The following KLHL29 variants were observed in gnomAD, a reference collection of about 807,000 sequenced individuals.
KLHL29 encodes the protein kelch-like protein 29.
A neutral mutation model predicts 80.4 loss-of-function variants in KLHL29; 21 were observed. The observed-to-expected ratio is 0.26, with a 90% CI of 0.19 to 0.38. The LOEUF (loss-of-function observed/expected upper bound fraction) is 0.38. KLHL29 is among the 10% of genes least tolerant of loss of function. The probability of loss-of-function intolerance (pLI) is 1.00; values close to 1 mark genes in which losing one functional copy is unlikely to be tolerated. For synonymous variants in KLHL29, 511 were observed against 526.8 expected (o/e 0.97, Z 0.41); for missense variants, 867 against 1,223.9 (o/e 0.71, Z 4.35).
At chr2:23,479,109 G>A (rs992464497) in intron 2 of KLHL29, among the ~76,000 whole-genome samples, 3 of 151,534 alleles carry the variant, frequency 2.0e-5, no homozygotes, top group South Asian at 2.1e-4. Context: ...TGCTCCGGCC[G>A]ACACAGACAC....
chr2:23,678,893 G>T (rs561164135), intron 5 of KLHL29, among the ~76,000 whole-genome samples: 4 of 152,164 alleles, frequency 2.6e-5, no homozygotes, highest in Non-Finnish European at 4.4e-5. Flanking sequence ...AATGGTGGTT[G>T]CCGGGGATGA....
chr2:23,671,509 T>C (rs1392113261), intron 5 of KLHL29, among the ~76,000 whole-genome samples: 2 of 152,212 alleles, frequency 1.3e-5, no homozygotes, highest in African/African-American at 2.4e-5. Flanking sequence ...TCTGTGGCTG[T>C]TGGGCTCCTC....
intron 1 of KLHL29, among the ~76,000 whole-genome samples, chr2:23,396,903 A>G (rs1381694150): frequency 6.6e-6 from 1 of 152,142 alleles, no homozygotes; most frequent in Non-Finnish European, 1.5e-5. Context: ...CCCCAAGAGG[A>G]GAAAAATGAT....
intron 5 of KLHL29, among the ~76,000 whole-genome samples, chr2:23,656,518 C>T (rs947342472): frequency 2.6e-5 from 4 of 152,242 alleles, no homozygotes; most frequent in Admixed American, 2.0e-4. Flanking sequence ...CACCCGACTT[C>T]TGGGGCCATT....
At chr2:23,532,649 C>T (rs1666531204) in intron 2 of KLHL29, 1 of 456,570 alleles carries the variant, frequency 2.2e-6, no homozygotes, top group African/African-American at 2.0e-5. Context: ...GGGACTGAGG[C>T]CTGGGCGGTG....
chr2:23,539,465 A>G (rs576427661), intron 2 of KLHL29, among the ~76,000 whole-genome samples: 50 of 101,126 alleles, frequency 4.9e-4, no homozygotes, highest in Non-Finnish European at 8.2e-4. Context: ...TTTTGGAGAC[A>G]GGGTCTCACT....
At chr2:23,633,839 G>T (rs1224592904) in intron 3 of KLHL29, among the ~76,000 whole-genome samples, 1 of 151,808 alleles carries the variant, frequency 6.6e-6, no homozygotes, top group Non-Finnish European at 1.5e-5. Flanking sequence ...AGGCTCAACT[G>T]TGGCAGTTCC....
At chr2:23,526,552 G>A (rs1666325838) in intron 2 of KLHL29, among the ~76,000 whole-genome samples, 1 of 152,208 alleles carries the variant, frequency 6.6e-6, no homozygotes, top group Non-Finnish European at 1.5e-5. Context: ...AAGGTTGGAG[G>A]GGAGAGAGAG....
intron 3 of KLHL29, among the ~76,000 whole-genome samples, chr2:23,626,865 C>T (rs1362844980): frequency 6.6e-6 from 1 of 152,162 alleles, no homozygotes; most frequent in Admixed American, 6.5e-5. Context: ...AGTCTGGGTT[C>T]CTGCTGAGGA....
chr2:23,604,217 T>C (rs1401296900), intron 3 of KLHL29, among the ~76,000 whole-genome samples: 1 of 152,168 alleles, frequency 6.6e-6, no homozygotes, highest in African/African-American at 2.4e-5. Flanking sequence ...AGTGGTACAA[T>C]CTGGGCCTCC....
intron 1 of KLHL29, among the ~76,000 whole-genome samples, chr2:23,446,059 T>G (rs990911848): frequency 6.6e-5 from 10 of 152,188 alleles, no homozygotes; most frequent in African/African-American, 2.4e-4. Flanking sequence ...ATGCATTTAT[T>G]TTATTTTTAT....
intron 2 of KLHL29, among the ~76,000 whole-genome samples, chr2:23,532,408 C>T (rs1031808225): frequency 4.6e-5 from 7 of 152,214 alleles, no homozygotes; most frequent in Admixed American, 2.6e-4. Context: ...AGAATGGAGA[C>T]GGTGGGAGCT....
At chr2:23,672,485 TCCACTGGAGACAGCCAGC>T (rs1192563606) in intron 5 of KLHL29, 3 of 152,474 alleles carry the variant, frequency 2.0e-5, no homozygotes, top group African/African-American at 7.2e-5. Context: ...TGTCTGGTTC[TCCACTGGAGACAGCCAGC>T]AGTCGCTCCA....
At chr2:23,432,422 T>C (rs1188334270) in intron 1 of KLHL29, among the ~76,000 whole-genome samples, 1 of 152,270 alleles carries the variant, frequency 6.6e-6, no homozygotes, top group East Asian at 1.9e-4. Flanking sequence ...TCTATTCATT[T>C]GTTGGAGGAA....
intron 2 of KLHL29, among the ~76,000 whole-genome samples, chr2:23,511,525 C>T (rs906330037): frequency 1.3e-5 from 2 of 152,186 alleles, no homozygotes; most frequent in South Asian, 2.1e-4. Context: ...TCTTCCTCTG[C>T]ACAGAGATGA....
chr2:23,506,278 G>A (rs1205772033), intron 2 of KLHL29, among the ~76,000 whole-genome samples: 3 of 152,158 alleles, frequency 2.0e-5, no homozygotes, highest in Non-Finnish European at 2.9e-5. Context: ...TTATCTTCGC[G>A]AAGTTGAAGG....
chr2:23,528,474 G>A lies in KLHL29; in HGVS notation c.-45-33678G>A, dbSNP rs542320439. ...GAAGACGTGACTGGAGATGTCACCTGTGGACCCTGCAGCCCTTATAAGGTG... is the reference window on the plus strand; with the variant it reads ...GAAGACGTGACTGGAGATGTCACCTATGGACCCTGCAGCCCTTATAAGGTG... On this transcript the variant is annotated intron_variant, in intron 2 of 13. Transcript: ENST00000486442. 9.2e-5 allele frequency among the ~76,000 whole-genome samples: 14 copies of A among 152,292 alleles called. 1 individual carries two copies. The South Asian group carries it at 2.7e-3, about 29-fold the overall frequency.
intron 5 of KLHL29, among the ~76,000 whole-genome samples, chr2:23,655,889 C>T (rs535844006): frequency 2.6e-5 from 4 of 152,144 alleles, no homozygotes; most frequent in African/African-American, 7.2e-5. Flanking sequence ...GCAGCCTGAA[C>T]GGGAATCATC....
At chr2:23,642,887 C>T (rs1265178024) in intron 5 of KLHL29, 37 bp downstream of exon 5, 10 of 1,549,102 alleles carry the variant, frequency 6.5e-6, no homozygotes, top group East Asian at 2.4e-5. Context: ...CACGGGCCTG[C>T]GTCTGCACCT....
Sources: allele counts gnomAD v4.1 joint callset (sites outside exome capture counted in the v4.1 genomes callset), GRCh38; gene constraint gnomAD v4.1.1; transcripts MANE v1.5; gene names NCBI Gene and HGNC (gene_info 2026-07-23, HGNC 2026-07-21).